Variants in CAMK1D observed in about 807,000 individuals in gnomAD.
The protein encoded by CAMK1D is calcium/calmodulin dependent protein kinase ID.
In CAMK1D, 9 loss-of-function variants were observed where a neutral mutation model predicts 47.7. The observed-to-expected ratio is 0.19, with a 90% CI of 0.11 to 0.33. The LOEUF (loss-of-function observed/expected upper bound fraction) is 0.33. Ranked by LOEUF, CAMK1D falls within the 10% of genes least tolerant of loss-of-function variation. The probability of loss-of-function intolerance (pLI) is 1.00; values close to 1 mark genes in which losing one functional copy is unlikely to be tolerated. For missense variants in CAMK1D, 291 were observed against 488.7 expected, an observed-to-expected ratio of 0.60 and a Z score of 3.81; for synonymous variants, 184 against 184.9, an observed-to-expected ratio of 0.99 and a Z score of 0.04.
At chr10:12,666,135 A>G (rs532580803) in intron 2 of CAMK1D, among the ~76,000 whole-genome samples, 32 of 150,988 alleles carry the variant, frequency 2.1e-4, no homozygotes, top group Non-Finnish European at 2.1e-4. Flanking sequence ...GCACTGATCT[A>G]GTTTGCTTGG....
intron 3 of CAMK1D, among the ~76,000 whole-genome samples, chr10:12,685,387 A>G (rs1832620068): frequency 6.6e-6 from 1 of 152,232 alleles, no homozygotes. Context: ...AAGTGTTAGA[A>G]CCATTTGGAA....
At chr10:12,487,995 A>G (rs1046398404) in intron 1 of CAMK1D, among the ~76,000 whole-genome samples, 1 of 152,180 alleles carries the variant, frequency 6.6e-6, no homozygotes, top group African/African-American at 2.4e-5. Context: ...AAGCCTGGGA[A>G]ATACGAGGGT....
intron 4 of CAMK1D, among the ~76,000 whole-genome samples, chr10:12,765,588 T>C (rs896497427): frequency 4.6e-5 from 7 of 152,250 alleles, no homozygotes; most frequent in Non-Finnish European, 8.8e-5. Context: ...TCCACCCGCG[T>C]GATCTCATCA....
chr10:12,447,791 A>C lies in CAMK1D; in HGVS notation c.92+97881A>C, dbSNP rs147385039. Among the ~76,000 whole-genome samples, 909 of 152,318 alleles carry C rather than the reference A, an allele frequency of 6.0e-3. 13 individuals carry two copies. The highest frequency in any genetic ancestry group is 0.02 in the African/African-American group (831 of 41,552). On this transcript the variant is annotated intron_variant, in intron 1 of 10. Coordinates refer to ENST00000619168, the MANE Select transcript of CAMK1D (RefSeq NM_153498.4). Reference sequence around the variant, plus strand: ...GTGATCCTCCTGCCTCAGCCTCCTGAGTAACGAGGACTACAGGTATGTATC... The same window carrying C: ...GTGATCCTCCTGCCTCAGCCTCCTGCGTAACGAGGACTACAGGTATGTATC...
intron 1 of CAMK1D, among the ~76,000 whole-genome samples, chr10:12,503,632 A>G (rs1231461699): frequency 6.6e-6 from 1 of 152,186 alleles, no homozygotes. Flanking sequence ...TCCACCCTTT[A>G]TGAATGAACA....
intron 2 of CAMK1D, among the ~76,000 whole-genome samples, chr10:12,581,762 G>T (rs1473678126): frequency 6.6e-6 from 1 of 152,154 alleles, no homozygotes; most frequent in Non-Finnish European, 1.5e-5. Context: ...TGATTTGTTT[G>T]AGTTCCTTGC....
chr10:12,442,528 G>A (rs780812102), intron 1 of CAMK1D, among the ~76,000 whole-genome samples: 8 of 152,110 alleles, frequency 5.3e-5, no homozygotes, highest in Non-Finnish European at 1.2e-4. Context: ...ACGTTATATG[G>A]AAATGGAATT....
intron 1 of CAMK1D, among the ~76,000 whole-genome samples, chr10:12,426,694 G>A (rs926707661): frequency 6.6e-6 from 1 of 152,052 alleles, no homozygotes; most frequent in Admixed American, 6.5e-5. Flanking sequence ...GACCCCAGGT[G>A]CGTGCCACCA....
intron 10 of CAMK1D, chr10:12,825,930 A>G (rs923908215): frequency 1.2e-5 from 7 of 565,878 alleles, no homozygotes; most frequent in African/African-American, 1.9e-5. Flanking sequence ...TGAGTTCAGG[A>G]GTTTTAAGAC....
chr10:12,377,424 G>A (rs779143106), intron 1 of CAMK1D, among the ~76,000 whole-genome samples: 4 of 152,184 alleles, frequency 2.6e-5, no homozygotes, highest in African/African-American at 4.8e-5. Flanking sequence ...TGTTGTCCTG[G>A]TCACTTAAGC....
intron 3 of CAMK1D, among the ~76,000 whole-genome samples, chr10:12,698,854 G>A (rs968738141): frequency 1.3e-5 from 2 of 151,778 alleles, no homozygotes; most frequent in Non-Finnish European, 2.9e-5. Context: ...TGTATTTTTA[G>A]TAGAGACGGG....
intron 6 of CAMK1D, among the ~76,000 whole-genome samples, chr10:12,794,996 C>T (rs979213010): frequency 6.6e-6 from 1 of 152,142 alleles, no homozygotes; most frequent in Non-Finnish European, 1.5e-5. Context: ...ACCCTTTGCA[C>T]GGTGCCTGGA....
chr10:12,746,528 T>C (rs192628123), intron 3 of CAMK1D, among the ~76,000 whole-genome samples: 1 of 152,196 alleles, frequency 6.6e-6, no homozygotes, highest in Admixed American at 6.5e-5. Flanking sequence ...AGGAAAATGT[T>C]TTGGGGGTCT....
intron 1 of CAMK1D, among the ~76,000 whole-genome samples, chr10:12,434,288 A>T (rs1299881289): frequency 6.6e-6 from 1 of 152,208 alleles, no homozygotes; most frequent in Non-Finnish European, 1.5e-5. Flanking sequence ...TTGGAGTCAG[A>T]CACACCCCTG....
At chr10:12,477,117 A>G (rs1833925724) in intron 1 of CAMK1D, among the ~76,000 whole-genome samples, 1 of 152,072 alleles carries the variant, frequency 6.6e-6, no homozygotes, top group African/African-American at 2.4e-5. Context: ...GCAGGTCACA[A>G]GAAGAAGAGA....
At chr10:12,444,203 A>C (rs987609095) in intron 1 of CAMK1D, among the ~76,000 whole-genome samples, 1 of 151,990 alleles carries the variant, frequency 6.6e-6, no homozygotes, top group Non-Finnish European at 1.5e-5. Context: ...CCAATCTCCT[A>C]TCTTATTCTG....
intron 1 of CAMK1D, among the ~76,000 whole-genome samples, chr10:12,470,677 C>A (rs77611524): frequency 1.3e-5 from 2 of 152,060 alleles, no homozygotes; most frequent in South Asian, 4.1e-4. Flanking sequence ...CCACAACACC[C>A]GGCTAATTTT....
At chr10:12,453,442 C>A (rs1175949342) in intron 1 of CAMK1D, among the ~76,000 whole-genome samples, 2 of 152,122 alleles carry the variant, frequency 1.3e-5, no homozygotes, top group Non-Finnish European at 2.9e-5. Flanking sequence ...CCTGCCTCGG[C>A]CTCCCAAAGT....
chr10:12,810,961 C>T (rs1471399601), intron 6 of CAMK1D, among the ~76,000 whole-genome samples: 6 of 152,180 alleles, frequency 3.9e-5, no homozygotes, highest in Non-Finnish European at 5.9e-5. Flanking sequence ...CACCTCTAGA[C>T]CCAGGGGGCT....
Sources: allele counts gnomAD v4.1 joint callset (sites outside exome capture counted in the v4.1 genomes callset), GRCh38; gene constraint gnomAD v4.1.1; transcripts MANE v1.5; gene names NCBI Gene and HGNC (gene_info 2026-07-23, HGNC 2026-07-21).